ZFAND3: variants seen among roughly 807,000 people sequenced by gnomAD.
ZFAND3 encodes AN1-type zinc finger protein 3.
ZFAND3 carries 10 observed loss-of-function variants against 29.6 expected under a neutral mutation model. The observed-to-expected ratio is 0.34, with a 90% confidence interval of 0.21 to 0.57. The LOEUF is 0.57. ZFAND3 is among the 20% of genes least tolerant of loss of function. The probability of loss-of-function intolerance (pLI) is 0.86; values close to 1 mark genes in which losing one functional copy is unlikely to be tolerated. For synonymous variants in ZFAND3, 128 were observed against 112.6 expected (o/e 1.14, Z -0.87); for missense variants, 230 against 304.5 (o/e 0.76, Z 1.82).
chr6:37,993,012 A>G (rs891411176), intron 2 of ZFAND3, among the ~76,000 whole-genome samples: 2 of 152,154 alleles, frequency 1.3e-5, no homozygotes, highest in Admixed American at 6.5e-5. Flanking sequence ...ATAACATCAG[A>G]TTGTGCTTCT....
intron 3 of ZFAND3, among the ~76,000 whole-genome samples, chr6:38,070,577 TTTCTC>T (rs1313527205): frequency 1.3e-5 from 2 of 152,180 alleles, no homozygotes; most frequent in African/African-American, 2.4e-5. Context: ...TTACTATCCT[TTTCTC>T]TACTCTCTTC....
intron 1 of ZFAND3, among the ~76,000 whole-genome samples, chr6:37,881,515 G>A (rs1764894340): frequency 6.6e-6 from 1 of 152,180 alleles, no homozygotes; most frequent in Admixed American, 6.5e-5. Context: ...TAGGATTGCT[G>A]CTGGAGGGGA....
chr6:37,953,290 G>C (rs1259707140), intron 2 of ZFAND3, among the ~76,000 whole-genome samples: 2 of 151,684 alleles, frequency 1.3e-5, no homozygotes, highest in Non-Finnish European at 2.9e-5. Context: ...GATTAGGCTA[G>C]GGTGTATCAT....
In ZFAND3 at chr6:38,153,688, C is replaced by G; in HGVS notation, c.*1299C>G. On this transcript the variant is annotated 3_prime_UTR_variant, in exon 6 of 6. Transcript: ENST00000287218. The stretch of plus-strand genomic sequence containing the variant: ...CAGGTGGGGAAGGGTGGGGGTGGGC[C>G]TGGTTGCCCCATGTTAGGAAATCAC... 1 of 985,232 alleles carries G rather than the reference C, an allele frequency of 1.0e-6. No individual in the cohort carries two copies. Among genetic ancestry groups the G allele is most frequent in the Non-Finnish European group, 1.2e-6 (1 of 829,876 alleles). 61.0% of individuals were successfully genotyped at this position (985,232 alleles called of 1,614,324 possible).
intron 1 of ZFAND3, among the ~76,000 whole-genome samples, chr6:37,852,717 CTTTTTTT>C (rs957782122): frequency 1.4e-5 from 2 of 138,252 alleles, no homozygotes; most frequent in Non-Finnish European, 1.6e-5. Flanking sequence ...TTTTTCTTTT[CTTTTTTT>C]TTTTTTTTAA....
intron 2 of ZFAND3, among the ~76,000 whole-genome samples, chr6:37,981,803 G>C (rs1762584796): frequency 1.3e-5 from 2 of 152,220 alleles, no homozygotes; most frequent in South Asian, 4.2e-4. Flanking sequence ...GGATGCACCT[G>C]TTACAAAGCC....
At chr6:38,048,687 A>G (rs1029674298) in intron 2 of ZFAND3, among the ~76,000 whole-genome samples, 1 of 151,752 alleles carries the variant, frequency 6.6e-6, no homozygotes, top group Non-Finnish European at 1.5e-5. Flanking sequence ...CCTCACAACA[A>G]TCCTACACAG....
chr6:37,940,549 T>A (rs1761793222), intron 2 of ZFAND3, among the ~76,000 whole-genome samples: 1 of 152,222 alleles, frequency 6.6e-6, no homozygotes, highest in South Asian at 2.1e-4. Context: ...AACTATTTTT[T>A]TTTTAATTTA....
intron 2 of ZFAND3, among the ~76,000 whole-genome samples, chr6:37,977,150 C>T (rs946798424): frequency 6.6e-5 from 10 of 152,068 alleles, no homozygotes; most frequent in Admixed American, 3.3e-4. Context: ...AGTATCTAAA[C>T]ATAAGTAGAA....
intron 1 of ZFAND3, among the ~76,000 whole-genome samples, chr6:37,909,150 T>G (rs1419646951): frequency 2.0e-5 from 3 of 152,190 alleles, no homozygotes; most frequent in Non-Finnish European, 4.4e-5. Flanking sequence ...CTTTTGATTT[T>G]ACATTGATAA....
chr6:37,920,235 G>C (rs1761352390), intron 1 of ZFAND3, among the ~76,000 whole-genome samples: 1 of 151,674 alleles, frequency 6.6e-6, no homozygotes. Flanking sequence ...TGTATATATT[G>C]GGTGTGTTAG....
chr6:37,838,808 GT>G (rs1377362020), intron 1 of ZFAND3, among the ~76,000 whole-genome samples: 1 of 152,182 alleles, frequency 6.6e-6, no homozygotes, highest in Non-Finnish European at 1.5e-5. Flanking sequence ...GTGAACACCT[GT>G]TTTCACTTCT....
chr6:38,142,427 A>T (rs1282893443), intron 5 of ZFAND3: 4 of 460,306 alleles, frequency 8.7e-6, no homozygotes, highest in African/African-American at 2.0e-5. Context: ...GGAGCCTGGC[A>T]ACTGAGTTAC....
intron 1 of ZFAND3, among the ~76,000 whole-genome samples, chr6:37,896,562 C>CTTTCTTTCTTTCT (rs1554153806): frequency 7.4e-6 from 1 of 135,340 alleles, no homozygotes; most frequent in Non-Finnish European, 1.6e-5. Context: ...TTCTTTCTTT[C>CTTTCTTTCTTTCT]TTTCTTTCTC....
At chr6:37,842,930 TG>T (rs1175825118) in intron 1 of ZFAND3, among the ~76,000 whole-genome samples, 8 of 151,758 alleles carry the variant, frequency 5.3e-5, no homozygotes, top group Non-Finnish European at 8.8e-5. Context: ...GATACCAGCC[TG>T]GCCAACATAG....
intron 2 of ZFAND3, among the ~76,000 whole-genome samples, chr6:37,959,477 T>C (rs1215109760): frequency 6.6e-6 from 1 of 152,220 alleles, no homozygotes; most frequent in Non-Finnish European, 1.5e-5. Flanking sequence ...AAAGTATTAA[T>C]AGTTAGCCTA....
At chr6:38,002,445 G>C (rs116032367) in intron 2 of ZFAND3, among the ~76,000 whole-genome samples, 9,994 of 152,134 alleles carry the variant, frequency 0.066, 450 homozygotes, top group Middle Eastern at 0.1. Context: ...TTGAGAGGCT[G>C]AGGCGGGCGG....
At chr6:37,916,954 G>C (rs1183848038) in intron 1 of ZFAND3, among the ~76,000 whole-genome samples, 1 of 152,184 alleles carries the variant, frequency 6.6e-6, no homozygotes, top group Non-Finnish European at 1.5e-5. Flanking sequence ...CAGGTAGACT[G>C]TCATGGTATC....
intron 2 of ZFAND3, among the ~76,000 whole-genome samples, chr6:37,958,992 A>G (rs1206695631): frequency 6.6e-6 from 1 of 152,180 alleles, no homozygotes; most frequent in African/African-American, 2.4e-5. Context: ...TATCACCAAC[A>G]TCTTTCCTCT....
Sources: allele counts gnomAD v4.1 joint callset (sites outside exome capture counted in the v4.1 genomes callset), GRCh38; gene constraint gnomAD v4.1.1; transcripts MANE v1.5; gene names NCBI Gene and HGNC (gene_info 2026-07-23, HGNC 2026-07-21).